The following SLC12A1 variants were observed in gnomAD, a reference collection of about 807,000 sequenced individuals.
SLC12A1 encodes the protein solute carrier family 12 member 1.
In SLC12A1, 89 loss-of-function variants were observed where a neutral mutation model predicts 130.4. That is an observed-to-expected ratio of 0.68 (90% CI 0.58 to 0.81). SLC12A1 has a LOEUF of 0.81. Ranked by LOEUF, SLC12A1 falls within the 40% of genes least tolerant of loss-of-function variation. SLC12A1 has a pLI of 0.00. For missense variants in SLC12A1, 1,310 were observed against 1,336.4 expected, an observed-to-expected ratio of 0.98 and a Z score of 0.31; for synonymous variants, 499 against 460.0, an observed-to-expected ratio of 1.08 and a Z score of -1.09.
intron 2 of SLC12A1, among the ~76,000 whole-genome samples, chr15:48,219,266 C>T (rs1266150579): frequency 1.3e-5 from 2 of 152,112 alleles, no homozygotes; most frequent in African/African-American, 2.4e-5. Context: ...ACTTGTCGGC[C>T]GGGTGTGGTG....
chr15:48,230,431 C>T lies in SLC12A1; in HGVS notation c.903C>T (p.Ile301=), dbSNP rs780319794. The change falls in exon 7 of 27, where the codon ATC becomes ATT. Residue 301 remains isoleucine, a synonymous_variant. Transcript: ENST00000380993. ...TGATGGTGGATCCAACCAATGACAT[C>T]CGGATTATAGGCTCCATCACAGTGG... The part of the protein sequence containing the change: ...DSMMVDPTND[I]RIIGSITVVI... 6.2e-7 allele frequency: 1 copy of T among 1,612,936 alleles called. No homozygotes were observed. The highest frequency in any genetic ancestry group is 8.5e-7 in the Non-Finnish European group (1 of 1,179,528).
At chr15:48,293,601 T>C (rs947273460) in intron 24 of SLC12A1, among the ~76,000 whole-genome samples, 6 of 152,242 alleles carry the variant, frequency 3.9e-5, no homozygotes, top group Admixed American at 6.5e-5. Flanking sequence ...CTTCCTTTGA[T>C]TTATTGCTAT....
intron 8 of SLC12A1, 65 bp downstream of exon 8, chr15:48,232,903 C>A: frequency 1.1e-6 from 1 of 944,730 alleles, no homozygotes; most frequent in East Asian, 2.4e-5. Context: ...ATCACCATCC[C>A]CATCAACCCA....
chr15:48,259,319 C>T lies in SLC12A1; in HGVS notation c.2154+8C>T, dbSNP rs780441357. The T allele has an allele frequency of 6.4e-7, 1 of 1,554,198 alleles. No individual in the cohort carries two copies. The highest frequency in any genetic ancestry group is 8.9e-7 in the Non-Finnish European group (1 of 1,125,292). ...TGCTGTGAAGTCTTTGTGGTAAGAGCCACTTCACCCCAGGGAAGTCCTTTT... is the reference window on the plus strand; with the variant it reads ...TGCTGTGAAGTCTTTGTGGTAAGAGTCACTTCACCCCAGGGAAGTCCTTTT... On this transcript the variant is annotated splice_region_variant and intron_variant, in intron 17 of 26. Transcript: ENST00000380993.
intron 21 of SLC12A1, among the ~76,000 whole-genome samples, chr15:48,286,946 G>A (rs557092851): frequency 7.9e-5 from 12 of 152,240 alleles, no homozygotes; most frequent in East Asian, 3.9e-4. Context: ...CTCCCTCAGC[G>A]GTCCCAGGGA....
chr15:48,272,131 A>G (rs568873138), intron 19 of SLC12A1, among the ~76,000 whole-genome samples: 1 of 152,338 alleles, frequency 6.6e-6, no homozygotes, highest in East Asian at 1.9e-4. Flanking sequence ...AATTAATAAT[A>G]GATCTCCTTG....
chr15:48,232,971 C>A, intron 8 of SLC12A1, 133 bp downstream of exon 8: 1 of 641,164 alleles, frequency 1.6e-6, no homozygotes, highest in East Asian at 2.6e-5. Flanking sequence ...TGCGGAAGCC[C>A]AAAAGAAATG....
rs1020652341 is a variant in SLC12A1, at chr15:48,301,357, T to G, written c.3139T>G (p.Ser1047Ala). Residue 1047 changes from serine to alanine, a missense_variant, in exon 26 of 27, where the codon TCC becomes GCC. By Grantham distance (99) the Ser-to-Ala change is moderately conservative. Coordinates refer to ENST00000380993, the MANE Select transcript of SLC12A1 (RefSeq NM_000338.3). Reference sequence around the variant, plus strand: ...ACTGAATGAACTCTTACAGGAGCACTCCAGAGCTGCTAATCTCATTGTCCT... The same window carrying G: ...ACTGAATGAACTCTTACAGGAGCACGCCAGAGCTGCTAATCTCATTGTCCT... Reference protein sequence around the residue: ...VRLNELLQEHSRAANLIVLSL... With the variant: ...VRLNELLQEHARAANLIVLSL... 6.3e-7 allele frequency: 1 copy of G among 1,597,090 alleles called. No homozygotes were observed. Among genetic ancestry groups the G allele is most frequent in the Non-Finnish European group, 8.5e-7 (1 of 1,171,094 alleles).
chr15:48,251,004 A>G (rs1566841298), intron 14 of SLC12A1, among the ~76,000 whole-genome samples: 2 of 152,144 alleles, frequency 1.3e-5, no homozygotes, highest in Admixed American at 6.5e-5. Flanking sequence ...TGCAAAATGC[A>G]TGACACATTA....
At chr15:48,283,084 T>C (rs1252211304) in intron 20 of SLC12A1, among the ~76,000 whole-genome samples, 2 of 152,132 alleles carry the variant, frequency 1.3e-5, no homozygotes, top group African/African-American at 4.8e-5. Flanking sequence ...ATTGCTAAAA[T>C]AACTCCCAGG....
chr15:48,226,490 A>C lies in SLC12A1; in HGVS notation c.643A>C (p.Ile215Leu), dbSNP rs1425284112. 6.3e-7 allele frequency: 1 copy of C among 1,593,562 alleles called. No homozygotes were observed. Among genetic ancestry groups the C allele is most frequent in the Non-Finnish European group, 8.6e-7 (1 of 1,169,478 alleles). ...ATTGCTAACAGGTCTTGGAGTTCTCATAATTCTTCTTTCCACCATGGTAAC... is the reference window on the plus strand; with the variant it reads ...ATTGCTAACAGGTCTTGGAGTTCTCCTAATTCTTCTTTCCACCATGGTAAC... ...GEAGIGLGVL[I>L]ILLSTMVTSI... The change falls in exon 5 of 27, where the codon ATA (isoleucine) becomes CTA (leucine). Residue 215 changes from isoleucine to leucine, a missense_variant. Transcript: ENST00000380993.
intron 19 of SLC12A1, among the ~76,000 whole-genome samples, chr15:48,271,504 A>G (rs2041897843): frequency 7.1e-6 from 1 of 139,876 alleles, no homozygotes. Context: ...TGTTATTATA[A>G]TCATAACATT....
intron 17 of SLC12A1, among the ~76,000 whole-genome samples, chr15:48,266,432 C>G (rs922683804): frequency 7.1e-6 from 1 of 141,726 alleles, no homozygotes; most frequent in Non-Finnish European, 1.5e-5. Flanking sequence ...TTTGTCTGAC[C>G]GCAAAGCCTG....
chr15:48,299,516 A>C (rs2042210780), intron 25 of SLC12A1, among the ~76,000 whole-genome samples: 1 of 152,262 alleles, frequency 6.6e-6, no homozygotes, highest in South Asian at 2.1e-4. Flanking sequence ...TTATTGGTAC[A>C]TATTGTGAAG....
chr15:48,226,543 G>A lies in SLC12A1; in HGVS notation c.696G>A (p.Ala232=), dbSNP rs138091124. 23 of 1,608,868 alleles carry A rather than the reference G, an allele frequency of 1.4e-5. No individual in the cohort carries two copies. Among genetic ancestry groups the A allele is most frequent in the African/African-American group, 1.1e-4 (8 of 74,810 alleles). ...VTSITGLSTS[A]IATNGFVRGG... is the part of the protein sequence containing the mutation. ...CTATTACTGGGTTGTCAACTTCTGC[G>A]ATAGCAACTAACGGGTTTGTTCGTG... The change falls in exon 5 of 27, where the codon GCG becomes GCA. Residue 232 remains alanine (A), a synonymous_variant. Coordinates refer to ENST00000380993, the MANE Select transcript of SLC12A1 (RefSeq NM_000338.3).
chr15:48,302,898 T>G lies in SLC12A1; in HGVS notation c.*13T>G, dbSNP rs201825116. On this transcript the variant is annotated 3_prime_UTR_variant, in exon 27 of 27. Coordinates refer to ENST00000380993, the MANE Select transcript of SLC12A1 (RefSeq NM_000338.3). ...ATTTTACTCTTAAAACATGAAAGATTGGAATACATTTTAACTTAATGTAAT... is the reference window on the plus strand; with the variant it reads ...ATTTTACTCTTAAAACATGAAAGATGGGAATACATTTTAACTTAATGTAAT... The G allele has an allele frequency of 3.9e-4, 619 of 1,583,270 alleles. No individual in the cohort carries two copies. Among genetic ancestry groups the G allele is most frequent in the Non-Finnish European group, 5.2e-4 (604 of 1,154,204 alleles).
At chr15:48,286,218 T>C (rs892840740) in intron 21 of SLC12A1, among the ~76,000 whole-genome samples, 13 of 152,148 alleles carry the variant, frequency 8.5e-5, no homozygotes, top group African/African-American at 2.7e-4. Context: ...TGTAATATAA[T>C]AGTTTTATAT....
intron 9 of SLC12A1, among the ~76,000 whole-genome samples, chr15:48,240,596 T>C (rs1473790621): frequency 2.0e-5 from 3 of 152,210 alleles, no homozygotes; most frequent in African/African-American, 7.2e-5. Context: ...GCACAAACTT[T>C]GTTTGACTGC....
At position 48,210,338 on chromosome 15, in the gene SLC12A1, G is replaced by A. The variant is rs1475285973; in HGVS notation, c.420+2199G>A. Among the ~76,000 whole-genome samples, 12 of 152,072 alleles carry A rather than the reference G, an allele frequency of 7.9e-5. 1 individual carries two copies. Among genetic ancestry groups the A allele is most frequent in the Admixed American group, 7.9e-4 (12 of 15,272 alleles). Reference sequence around the variant, plus strand: ...TTTTAAATCTGCCTCCTTTTTTAAAGTTAGTGTCACAATTTAAATATTATC... The same window carrying A: ...TTTTAAATCTGCCTCCTTTTTTAAAATTAGTGTCACAATTTAAATATTATC... On this transcript the variant is annotated intron_variant, in intron 2 of 26. Transcript: ENST00000380993.
Sources: allele counts gnomAD v4.1 joint callset (sites outside exome capture counted in the v4.1 genomes callset), GRCh38; gene constraint gnomAD v4.1.1; transcripts MANE v1.5; gene names NCBI Gene and HGNC (gene_info 2026-07-23, HGNC 2026-07-21).